CSMD1: variants seen among roughly 807,000 people sequenced by gnomAD.
CSMD1 encodes the protein CUB and Sushi multiple domains 1.
CSMD1 carries 213 observed loss-of-function variants against 417.5 expected under a neutral mutation model. That is an observed-to-expected ratio of 0.51 (90% CI 0.46 to 0.57). The LOEUF (loss-of-function observed/expected upper bound fraction) is 0.57. Ranked by LOEUF, CSMD1 falls within the 20% of genes least tolerant of loss-of-function variation. The pLI is 0.00. For synonymous variants in CSMD1, 2,862 were observed against 1,736.8 expected, an observed-to-expected ratio of 1.65 and a Z score of -16.11; for missense variants, 6,923 against 4,529.7, an observed-to-expected ratio of 1.53 and a Z score of -15.17.
At chr8:4,524,883 T>C (rs893476988) in intron 2 of CSMD1, among the ~76,000 whole-genome samples, 2 of 152,164 alleles carry the variant, frequency 1.3e-5, no homozygotes, top group African/African-American at 4.8e-5. Flanking sequence ...TACCATGACT[T>C]CTAAGTATTC....
At chr8:3,798,544 C>T (rs1800287518) in intron 5 of CSMD1, among the ~76,000 whole-genome samples, 1 of 152,048 alleles carries the variant, frequency 6.6e-6, no homozygotes, top group South Asian at 2.1e-4. Flanking sequence ...CATATGAAAA[C>T]ACTTTTCCAG....
chr8:3,124,056 C>T (rs1008499808), intron 41 of CSMD1, among the ~76,000 whole-genome samples: 1 of 152,138 alleles, frequency 6.6e-6, no homozygotes, highest in African/African-American at 2.4e-5. Context: ...AGCCCAATGG[C>T]TGCGGGCTAC....
In CSMD1 at chr8:3,526,038, CAATT is replaced by C. The variant is rs996327509; in HGVS notation, c.1345-32316_1345-32313del. On this transcript the variant is annotated intron_variant, in intron 10 of 69. Transcript: ENST00000635120. ...GCTTAAATAATTTACCCAAATTAAA[CAATT>C]AATAGCCTGGGTATATGTAGCTTCA... Among the ~76,000 whole-genome samples the C allele has an allele frequency of 4.5e-4, 69 of 152,232 alleles. 1 individual carries two copies. The highest frequency in any genetic ancestry group is 1.4e-3 in the African/African-American group (60 of 41,536).
chr8:4,693,032 C>T (rs1806876520), intron 1 of CSMD1, among the ~76,000 whole-genome samples: 1 of 152,168 alleles, frequency 6.6e-6, no homozygotes, highest in Non-Finnish European at 1.5e-5. Context: ...TGTCCAGAGG[C>T]CAATCTTCTC....
At chr8:3,866,782 C>T (rs184233647) in intron 5 of CSMD1, among the ~76,000 whole-genome samples, 44 of 152,276 alleles carry the variant, frequency 2.9e-4, no homozygotes, top group African/African-American at 1.0e-3. Context: ...GGACTCTTTC[C>T]TTCAATAACG....
chr8:3,551,773 G>A lies in CSMD1; in HGVS notation c.1344+23172C>T, dbSNP rs78042585. Reference sequence around the variant, plus strand: ...AGTCCGTGACAAGCTGCGATAATATGATGTTCTCTGTAATGTGATCATGCT... The same window carrying A: ...AGTCCGTGACAAGCTGCGATAATATAATGTTCTCTGTAATGTGATCATGCT... On this transcript the variant is annotated intron_variant, in intron 10 of 69. Transcript: ENST00000635120. 8.3e-3 allele frequency among the ~76,000 whole-genome samples: 1,258 copies of A among 152,190 alleles called. 18 individuals are homozygous for A. Among genetic ancestry groups the A allele is most frequent in the African/African-American group, 0.028 (1,179 of 41,498 alleles).
chr8:3,228,886 C>G (rs1003033123), intron 27 of CSMD1, among the ~76,000 whole-genome samples: 3 of 152,036 alleles, frequency 2.0e-5, no homozygotes, highest in Non-Finnish European at 4.4e-5. Flanking sequence ...ACGCCGAAAT[C>G]TCTGCAGTCT....
chr8:3,190,209 C>G (rs1185871904), intron 33 of CSMD1, 94 bp from the exon 34 acceptor site: 1 of 864,268 alleles, frequency 1.2e-6, no homozygotes, highest in Non-Finnish European at 1.8e-6. Context: ...CCAAGGAGAG[C>G]TGATGCAGAC....
At chr8:2,954,377 T>A (rs534783565) in intron 64 of CSMD1, 109 bp from the exon 65 acceptor site, 6 of 627,890 alleles carry the variant, frequency 9.6e-6, no homozygotes, top group East Asian at 5.7e-5. Flanking sequence ...TTTTTTAATG[T>A]ACAAAATATG....
chr8:4,354,674 TG>T (rs1415679201), intron 3 of CSMD1, among the ~76,000 whole-genome samples: 6 of 152,130 alleles, frequency 3.9e-5, no homozygotes, highest in Non-Finnish European at 8.8e-5. Context: ...TTAAAATTTT[TG>T]TAACATTTGT....
chr8:4,684,510 A>C (rs533246049), intron 1 of CSMD1, among the ~76,000 whole-genome samples: 138 of 152,282 alleles, frequency 9.1e-4, no homozygotes, highest in African/African-American at 3.2e-3. Flanking sequence ...TTTACTTTCA[A>C]ATAAATCTCT....
chr8:3,681,315 T>C (rs1799649206), intron 7 of CSMD1, among the ~76,000 whole-genome samples: 1 of 152,192 alleles, frequency 6.6e-6, no homozygotes, highest in Non-Finnish European at 1.5e-5. Context: ...AAAATCTCCT[T>C]AAGCTGATAA....
intron 10 of CSMD1, among the ~76,000 whole-genome samples, chr8:3,553,277 G>A (rs1365340611): frequency 2.0e-5 from 3 of 152,142 alleles, no homozygotes; most frequent in Admixed American, 6.5e-5. Flanking sequence ...CAGGCACACC[G>A]TCAGCACACG....
At chr8:3,248,658 G>T (rs2117017647) in intron 26 of CSMD1, among the ~76,000 whole-genome samples, 1 of 149,040 alleles carries the variant, frequency 6.7e-6, no homozygotes, top group East Asian at 2.0e-4. Flanking sequence ...ACTCATGTCA[G>T]CAATACTTGA....
chr8:3,958,054 A>G (rs773174420), intron 5 of CSMD1, among the ~76,000 whole-genome samples: 7 of 152,196 alleles, frequency 4.6e-5, no homozygotes, highest in Non-Finnish European at 7.3e-5. Flanking sequence ...TTGTGCCTGT[A>G]TACTGTTCAT....
At chr8:4,532,997 C>T (rs1011527364) in intron 2 of CSMD1, among the ~76,000 whole-genome samples, 2 of 152,140 alleles carry the variant, frequency 1.3e-5, no homozygotes, top group Non-Finnish European at 2.9e-5. Flanking sequence ...AAAAGAAATC[C>T]TGCACCCCTA....
intron 5 of CSMD1, among the ~76,000 whole-genome samples, chr8:3,876,499 G>A (rs895615034): frequency 6.6e-6 from 1 of 152,146 alleles, no homozygotes; most frequent in Non-Finnish European, 1.5e-5. Context: ...ATGTAAGTGT[G>A]TAAGTGTGGA....
At chr8:4,819,742 C>A (rs927926663) in intron 1 of CSMD1, among the ~76,000 whole-genome samples, 2 of 152,032 alleles carry the variant, frequency 1.3e-5, no homozygotes, top group Non-Finnish European at 2.9e-5. Flanking sequence ...GGAAAATGCT[C>A]ATGTAGAGAG....
intron 25 of CSMD1, among the ~76,000 whole-genome samples, chr8:3,285,269 T>A (rs1803058768): frequency 6.6e-6 from 1 of 152,208 alleles, no homozygotes; most frequent in Admixed American, 6.5e-5. Context: ...TCACCCTGTG[T>A]AAGGTATGGA....
Sources: gnomAD v4.1 joint callset for allele counts (sites outside exome capture counted in the v4.1 genomes callset) on GRCh38, gnomAD v4.1.1 for gene constraint, MANE v1.5 for transcripts, NCBI Gene and HGNC (gene_info 2026-07-23, HGNC 2026-07-21) for gene names.